The following SERPINB6 variants were observed in gnomAD, a reference collection of about 807,000 sequenced individuals.
SERPINB6 encodes serpin family B member 6, also known as serpin B6.
SERPINB6 carries 16 observed loss-of-function variants against 26.1 expected under a neutral mutation model. The ratio of observed to expected loss-of-function variants is 0.61; its 90% CI spans 0.42 to 0.93. SERPINB6 has a LOEUF of 0.93. Among genes scored for constraint, SERPINB6 ranks in the 40% least tolerant of loss-of-function variants. SERPINB6 has a pLI of 0.00. For synonymous variants in SERPINB6, 174 were observed against 176.6 expected (o/e 0.99, Z 0.11); for missense variants, 420 against 478.0 (o/e 0.88, Z 1.13).
At chr6:2,952,014 G>T (rs1447425704) in intron 5 of SERPINB6, among the ~76,000 whole-genome samples, 1 of 152,222 alleles carries the variant, frequency 6.6e-6, no homozygotes, top group Non-Finnish European at 1.5e-5. Flanking sequence ...CATCGCCCCA[G>T]TGCCAGACCA....
intron 4 of SERPINB6, among the ~76,000 whole-genome samples, chr6:2,954,249 G>A (rs947538159): frequency 3.9e-5 from 6 of 152,126 alleles, no homozygotes; most frequent in Admixed American, 6.6e-5. Context: ...TCCACACTGC[G>A]AATTTTTTAT....
rs1769431087 is a variant in SERPINB6, at chr6:2,948,860, G to A, written c.729+54C>T. 1 of 1,611,518 alleles carries A rather than the reference G, an allele frequency of 6.2e-7. No individual in the cohort carries two copies. The highest frequency in any genetic ancestry group is 1.3e-5 in the African/African-American group (1 of 74,886). On this transcript the variant is annotated intron_variant, in intron 6 of 6. Coordinates refer to ENST00000380539, the MANE Select transcript of SERPINB6 (RefSeq NM_004568.6). This position sits in a 1 kb window ranked among gnomAD's most constrained non-coding sequence, Gnocchi z 5.0. ...CAAAGTAGGGACAGCAGCCACAGCA[G>A]ACACCCCCGAGTGGCTCCTTGCTAG...
At chr6:2,949,665 G>T (rs761493193) in intron 5 of SERPINB6, among the ~76,000 whole-genome samples, 4 of 152,194 alleles carry the variant, frequency 2.6e-5, no homozygotes. Context: ...CCTAGCCCTG[G>T]AATATTGTGA....
Position 2,967,116 on chromosome 6 carries a change from C to T in SERPINB6, c.-11+4417G>A, listed in dbSNP as rs1336040911. ...ATGATGTTTGTATGTCACTTTGGGG[C>T]CAGGCTACTCACCCCAAAGGTGACC... On this transcript the variant is annotated intron_variant, in intron 1 of 6. Transcript: ENST00000380539. The surrounding 1 kb of genome is among the most constrained non-coding windows in gnomAD (Gnocchi z 4.3). 3 of 983,562 alleles carry T rather than the reference C, an allele frequency of 3.1e-6. No individual in the cohort carries two copies. The East Asian group carries it at 3.4e-4, about 111-fold the overall frequency. The allele number at this position is 983,562 out of a possible 1,614,324, so 60.9% of individuals were successfully genotyped here.
At chr6:2,962,084 G>A (rs573333170) in intron 1 of SERPINB6, 456 of 985,332 alleles carry the variant, frequency 4.6e-4, no homozygotes, top group Admixed American at 1.8e-3. Flanking sequence ...AAAACACTCC[G>A]TCTCCGGTAA....
At chr6:2,958,876 C>A (rs1232592492) in intron 2 of SERPINB6, among the ~76,000 whole-genome samples, 1 of 152,110 alleles carries the variant, frequency 6.6e-6, no homozygotes, top group Admixed American at 6.5e-5. Context: ...AGGACTCAAC[C>A]TGAACCTTGT....
At chr6:2,953,363 G>A (rs1219568586) in intron 4 of SERPINB6, among the ~76,000 whole-genome samples, 177 bp from the exon 5 acceptor site, 1 of 152,180 alleles carries the variant, frequency 6.6e-6, no homozygotes, top group African/African-American at 2.4e-5. Flanking sequence ...CTTCTGGTAC[G>A]AAAAACATCA....
intron 2 of SERPINB6, chr6:2,957,418 C>T (rs749277674): frequency 6.6e-6 from 1 of 152,240 alleles, no homozygotes; most frequent in Non-Finnish European, 1.5e-5. Context: ...CCCAGCCTTT[C>T]CAGCTGGCAA....
intron 5 of SERPINB6, among the ~76,000 whole-genome samples, chr6:2,950,496 G>C: frequency 6.9e-6 from 1 of 145,246 alleles, no homozygotes; most frequent in East Asian, 2.0e-4. Context: ...TTGCACCGCT[G>C]CACTCCAGCC....
chr6:2,970,035 G>A (rs1162790983), intron 1 of SERPINB6: 5 of 958,866 alleles, frequency 5.2e-6, no homozygotes, highest in Admixed American at 7.1e-5. Flanking sequence ...AGCCGAAATC[G>A]CACCACTGCA....
Position 2,948,973 on chromosome 6 carries a change from C to T in SERPINB6, c.670G>A (p.Val224Ile). 2 of 1,614,234 alleles carry T rather than the reference C, an allele frequency of 1.2e-6. No individual in the cohort carries two copies. The highest frequency in any genetic ancestry group is 1.7e-6 in the Non-Finnish European group (2 of 1,180,038). The change falls in exon 6 of 7, where the codon GTT (valine) becomes ATT (isoleucine). Residue 224 changes from valine to isoleucine, a missense_variant. Transcript: ENST00000380539. The surrounding 1 kb of genome is among the most constrained non-coding windows in gnomAD (Gnocchi z 5.0). ...IFTQILVLPY[V>I]GKELNMIIML... ...ATGATCATATTCAGTTCCTTGCCAA[C>T]ATATGGAAGCACCAAGATTTGGGTA...
chr6:2,952,470 G>A (rs1769921988), intron 5 of SERPINB6, among the ~76,000 whole-genome samples: 2 of 152,384 alleles, frequency 1.3e-5, no homozygotes, highest in Admixed American at 1.3e-4. Context: ...CATCTTCCAC[G>A]CTGGAGGTGG....
At chr6:2,953,503 A>T (rs1314182612) in intron 4 of SERPINB6, among the ~76,000 whole-genome samples, 3 of 152,172 alleles carry the variant, frequency 2.0e-5, no homozygotes, top group Non-Finnish European at 4.4e-5. Flanking sequence ...ATTATCAAAA[A>T]GGTGGGCAGT....
chr6:2,949,250 G>T (rs1167241749), intron 5 of SERPINB6, among the ~76,000 whole-genome samples, 181 bp from the exon 6 acceptor site: 1 of 152,182 alleles, frequency 6.6e-6, no homozygotes, highest in Non-Finnish European at 1.5e-5. Flanking sequence ...AAACTGGGGT[G>T]CCCAGGGCCC....
chr6:2,968,473 A>G (rs949290220), intron 1 of SERPINB6: 11 of 1,049,706 alleles, frequency 1.0e-5, no homozygotes, highest in South Asian at 9.1e-5. Context: ...TTAAAAAAAA[A>G]AAGAAGAAAT....
chr6:2,970,591 G>A, intron 1 of SERPINB6: 1 of 1,216,668 alleles, frequency 8.2e-7, no homozygotes, highest in Non-Finnish European at 1.0e-6. Context: ...CATTAGGCAC[G>A]AGAGCATCCC....
At position 2,948,788 on chromosome 6, in the gene SERPINB6, G is replaced by T; in HGVS notation, c.730-89C>A. On this transcript the variant is annotated intron_variant, in intron 6 of 6. Coordinates refer to ENST00000380539, the MANE Select transcript of SERPINB6 (RefSeq NM_004568.6). This position sits in a 1 kb window ranked among gnomAD's most constrained non-coding sequence, Gnocchi z 5.0. ...ATGCTGTGGATGCCAGACACCAGTG[G>T]CAGCGTGGCTATGGTCAGCAGCGCT... is the stretch of plus-strand genomic sequence containing the variant. 1 of 1,560,390 alleles carries T rather than the reference G, an allele frequency of 6.4e-7. No homozygotes were observed. The highest frequency in any genetic ancestry group is 8.8e-7 in the Non-Finnish European group (1 of 1,133,528).
At chr6:2,970,739 A>AAAT in intron 1 of SERPINB6, 1 of 1,229,970 alleles carries the variant, frequency 8.1e-7, no homozygotes, top group Non-Finnish European at 1.0e-6. Context: ...AAAAAAAAAA[A>AAAT]AAAAAGGAAG....
In SERPINB6 at chr6:2,955,523, CT is replaced by C. The variant is rs762667430; in HGVS notation, c.312del (p.Ser105LeufsTer23). 1 of 1,614,226 alleles carries C rather than the reference CT, an allele frequency of 6.2e-7. No homozygotes were observed. On this transcript the variant is annotated frameshift_variant and splice_region_variant, in exon 3 of 7. Transcript: ENST00000380539. LOFTEE classifies it high-confidence loss of function. ...LFGEKSCDFL[S>X]SFRDSCQKFY... ...AGTGAATAAGAGCAAGTATGACTTA[CT>C]GAGAGGAAATCACAAGACTTTTCCC...
Sources: allele counts gnomAD v4.1 joint callset (sites outside exome capture counted in the v4.1 genomes callset), GRCh38; gene constraint gnomAD v4.1.1; non-coding constraint Gnocchi (gnomAD v3.1); transcripts MANE v1.5; gene names NCBI Gene and HGNC (gene_info 2026-07-23, HGNC 2026-07-21).